Variants in PCNT observed in about 807,000 individuals in gnomAD.
PCNT encodes the protein pericentrin.
PCNT carries 319 observed loss-of-function variants against 380.4 expected under a neutral mutation model. The ratio of observed to expected loss-of-function variants is 0.84; its 90% CI spans 0.77 to 0.92. The LOEUF is 0.92. PCNT is among the 40% of genes least tolerant of loss of function. The probability of loss-of-function intolerance (pLI) is 0.00; values close to 1 mark genes in which losing one functional copy is unlikely to be tolerated. For synonymous variants in PCNT, 1,845 were observed against 1,735.2 expected (o/e 1.06, Z -1.57); for missense variants, 4,400 against 4,255.3 (o/e 1.03, Z -0.95).
intron 43 of PCNT, among the ~76,000 whole-genome samples, chr21:46,441,542 G>A (rs377132126): frequency 2.1e-4 from 32 of 152,226 alleles, no homozygotes; most frequent in African/African-American, 7.5e-4. Context: ...TTCAGTCATC[G>A]CGGCTGCAGG....
At chr21:46,378,010 C>T (rs942926977) in intron 15 of PCNT, among the ~76,000 whole-genome samples, 3 of 152,132 alleles carry the variant, frequency 2.0e-5, no homozygotes, top group Admixed American at 6.5e-5. Context: ...GTGTGTTTCC[C>T]AGGTTGGCGC....
At position 46,388,694 on chromosome 21, in the gene PCNT, T is replaced by C. The variant is rs1232814188; in HGVS notation, c.3465-48T>C. On this transcript the variant is annotated intron_variant, in intron 17 of 46. Coordinates refer to ENST00000359568, the MANE Select transcript of PCNT (RefSeq NM_006031.6). This position sits in a 1 kb window ranked among gnomAD's most constrained non-coding sequence, Gnocchi z 4.2. Reference sequence around the variant, plus strand: ...CCTCAGCAGCATCCAGGGTGGGGGTTCTTATGCCGTGACCAGCTTGCCTGA... The same window carrying C: ...CCTCAGCAGCATCCAGGGTGGGGGTCCTTATGCCGTGACCAGCTTGCCTGA... 1 of 1,610,212 alleles carries C rather than the reference T, an allele frequency of 6.2e-7. No homozygotes were observed. Among genetic ancestry groups the C allele is most frequent in the East Asian group, 2.2e-5 (1 of 44,846 alleles).
At position 46,416,083 on chromosome 21, in the gene PCNT, A is replaced by G. The variant is rs974092641; in HGVS notation, c.6165A>G (p.Val2055=). ...TTCACCTGCAGGGTAAAGAAAAAGT[A>G]CTGGAAGATTGTCAGCTGCCGAAGG... ...LEDGGKGKEK[V]LEDCQLPKVD... Residue 2055 remains valine (V), a synonymous_variant, in exon 30 of 47, where the codon GTA becomes GTG. Transcript: ENST00000359568. The G allele has an allele frequency of 1.2e-6, 2 of 1,614,004 alleles. No homozygotes were observed. Among genetic ancestry groups the G allele is most frequent in the African/African-American group, 1.3e-5 (1 of 74,924 alleles).
rs960485638 is a variant in PCNT at position 46,440,840 on chromosome 21, C to CT, written c.9394-8dup. The CT allele has an allele frequency of 5.9e-6, 9 of 1,518,398 alleles. No individual in the cohort carries two copies. The highest frequency in any genetic ancestry group is 8.2e-6 in the Non-Finnish European group (9 of 1,093,232). 94.1% of individuals were successfully genotyped at this position (1,518,398 alleles called of 1,614,324 possible). On this transcript the variant is annotated splice_polypyrimidine_tract_variant and intron_variant, in intron 42 of 46. Transcript: ENST00000359568. ...TGTTTCCTATGATAAAATTTTACTG[C>CT]TTTTTTTCTTTTAGATGGAAAAATT...
intron 15 of PCNT, among the ~76,000 whole-genome samples, chr21:46,371,951 C>T (rs1319569034): frequency 1.3e-5 from 2 of 150,944 alleles, no homozygotes; most frequent in East Asian, 2.0e-4. Flanking sequence ...AGCATGTGCG[C>T]ACAAACAGCA....
At chr21:46,372,190 GCA>G (rs888605768) in intron 15 of PCNT, among the ~76,000 whole-genome samples, 6 of 144,926 alleles carry the variant, frequency 4.1e-5, no homozygotes, top group South Asian at 2.2e-4. Flanking sequence ...TGCACACACA[GCA>G]CACACACAGA....
chr21:46,392,407 G>T (rs2086063582), intron 21 of PCNT, among the ~76,000 whole-genome samples: 1 of 152,170 alleles, frequency 6.6e-6, no homozygotes, highest in Middle Eastern at 3.2e-3. Context: ...TTTTGGTAGA[G>T]ATGGGGTTTC....
intron 13 of PCNT, among the ~76,000 whole-genome samples, chr21:46,360,647 T>G (rs1449465319): frequency 6.6e-6 from 1 of 151,598 alleles, no homozygotes; most frequent in Non-Finnish European, 1.5e-5. Context: ...GCCTCCCGAG[T>G]AGCTGGGACT....
intron 29 of PCNT, among the ~76,000 whole-genome samples, chr21:46,414,938 A>C (rs368531775): frequency 2.6e-5 from 4 of 152,148 alleles, no homozygotes; most frequent in African/African-American, 9.7e-5. Context: ...ATGTGCCCCA[A>C]CTACTCCTCC....
intron 15 of PCNT, 91 bp downstream of exon 15, chr21:46,367,230 T>C (rs2084960177): frequency 6.6e-6 from 7 of 1,059,852 alleles, no homozygotes; most frequent in African/African-American, 1.6e-5. Flanking sequence ...GCGTGCGTGC[T>C]GTGTGTGCCT....
chr21:46,381,202 GT>G (rs1569225900), intron 15 of PCNT, among the ~76,000 whole-genome samples: 1 of 2,748 alleles, frequency 3.6e-4, no homozygotes, highest in African/African-American at 1.7e-3. Context: ...ATCTCTGTGT[GT>G]GTGTGTGTGT....
chr21:46,365,965 TTCACTGCCATGGGGTTCTAG>T (rs1369032790), intron 14 of PCNT, among the ~76,000 whole-genome samples: 4 of 149,216 alleles, frequency 2.7e-5, no homozygotes, highest in African/African-American at 9.9e-5. Flanking sequence ...TGGGGTTCTG[TTCACTGCCATGGGGTTCTAG>T]TCACTGCCGT....
chr21:46,425,004 C>G lies in PCNT; in HGVS notation c.7180-827C>G, dbSNP rs986713627. 9.2e-5 allele frequency among the ~76,000 whole-genome samples: 14 copies of G among 152,174 alleles called. No individual in the cohort carries two copies. The highest frequency in any genetic ancestry group is 3.4e-4 in the African/African-American group (14 of 41,434). On this transcript the variant is annotated intron_variant, in intron 32 of 46. Transcript: ENST00000359568. This position sits in a 1 kb window ranked among gnomAD's most constrained non-coding sequence, Gnocchi z 4.2. ...CAGTCACACCCGTCGTAGGCTTCAT[C>G]ATTGCCTCATTTTGCATTTCCCTCT...
At chr21:46,436,840 C>T (rs1057083486) in intron 39 of PCNT, 139 bp from the exon 40 acceptor site, 1 of 720,984 alleles carries the variant, frequency 1.4e-6, no homozygotes, top group African/African-American at 1.7e-5. Flanking sequence ...GGCTCTGCCT[C>T]ACGGCTGGAC....
chr21:46,392,494 C>T (rs1447656426), intron 21 of PCNT, among the ~76,000 whole-genome samples: 5 of 152,158 alleles, frequency 3.3e-5, no homozygotes, highest in African/African-American at 1.2e-4. Context: ...GTGCTGGGAT[C>T]GCAGGCGTGA....
At chr21:46,329,349 C>G (rs986027032) in intron 2 of PCNT, among the ~76,000 whole-genome samples, 2 of 152,094 alleles carry the variant, frequency 1.3e-5, no homozygotes, top group African/African-American at 4.8e-5. Context: ...TTTTTGTTTT[C>G]AAAACCAGAA....
Position 46,381,744 on chromosome 21 carries a change from ACTTCGG to A in PCNT, c.3221_3226del (p.Arg1074_Leu1075del). 6.2e-7 allele frequency: 1 copy of A among 1,614,142 alleles called. No individual in the cohort carries two copies. Among genetic ancestry groups the A allele is most frequent in the South Asian group, 1.1e-5 (1 of 91,082 alleles). ...CTGCTTTGCATGAAAAAGAGGAGAC[ACTTCGG>A]CTTCAGAGTGCACAGGCACAGCCTT... On this transcript the variant is annotated inframe_deletion, in exon 16 of 47. Transcript: ENST00000359568.
At position 46,368,037 on chromosome 21, in the gene PCNT, C is replaced by A. The variant is rs1234529057; in HGVS notation, c.3165+898C>A. Among the ~76,000 whole-genome samples, 5 of 152,154 alleles carry A rather than the reference C, an allele frequency of 3.3e-5. No homozygotes were observed. In the South Asian group the frequency reaches 1.0e-3, roughly 31 times the overall value. On this transcript the variant is annotated intron_variant, in intron 15 of 46. Coordinates refer to ENST00000359568, the MANE Select transcript of PCNT (RefSeq NM_006031.6). ...GGGCGTGGGGGCACGCACCTGTAGT[C>A]TCAGCTACTTTGGAGGCTGAAGCAG...
chr21:46,382,513 GCAGAAGC>G, intron 16 of PCNT, among the ~76,000 whole-genome samples: 1 of 145,674 alleles, frequency 6.9e-6, no homozygotes, highest in African/African-American at 2.5e-5. Context: ...GCATTCAGTG[GCAGAAGC>G]TCATTCACAG....
Sources: gnomAD v4.1 joint callset for allele counts (sites outside exome capture counted in the v4.1 genomes callset) on GRCh38, gnomAD v4.1.1 for gene constraint, Gnocchi (gnomAD v3.1) non-coding constraint, MANE v1.5 for transcripts, NCBI Gene and HGNC (gene_info 2026-07-23, HGNC 2026-07-21) for gene names.